Variants in BBS9 observed in about 807,000 individuals in gnomAD.
BBS9 encodes protein PTHB1.
A neutral mutation model predicts 117.7 loss-of-function variants in BBS9; 89 were observed. That is an observed-to-expected ratio of 0.76 (90% confidence interval 0.64 to 0.90). The LOEUF (loss-of-function observed/expected upper bound fraction) is 0.90, where lower values mean the gene tolerates loss of function less well. BBS9 is among the 40% of genes least tolerant of loss of function. BBS9 has a pLI of 0.00. For missense variants in BBS9, 982 were observed against 1,042.2 expected, an observed-to-expected ratio of 0.94 and a Z score of 0.80; for synonymous variants, 379 against 370.9, an observed-to-expected ratio of 1.02 and a Z score of -0.25.
chr7:33,171,158 C>G (rs1016780358), intron 4 of BBS9, among the ~76,000 whole-genome samples: 2 of 152,118 alleles, frequency 1.3e-5, no homozygotes, highest in African/African-American at 4.8e-5. Flanking sequence ...CAATCCCAAG[C>G]CAGAAGAACA....
intron 9 of BBS9, among the ~76,000 whole-genome samples, chr7:33,282,605 C>A (rs1802116613): frequency 6.6e-6 from 1 of 152,042 alleles, no homozygotes. Context: ...AACTCCTGAC[C>A]TCGTGAGTCA....
chr7:33,329,083 C>T (rs902798878), intron 9 of BBS9, among the ~76,000 whole-genome samples: 24 of 151,718 alleles, frequency 1.6e-4, no homozygotes, highest in African/African-American at 4.1e-4. Flanking sequence ...TGCAGTGGCG[C>T]GATCTCAGCT....
At chr7:33,412,502 A>C (rs1831329565) in intron 19 of BBS9, among the ~76,000 whole-genome samples, 1 of 152,218 alleles carries the variant, frequency 6.6e-6, no homozygotes, top group Admixed American at 6.5e-5. Flanking sequence ...TGAGATATGC[A>C]CTTTACAACT....
At position 33,605,423 on chromosome 7, in the gene BBS9, T is replaced by C. The variant is rs891031153; in HGVS notation, c.*197T>C. The C allele has an allele frequency of 1.9e-5, 12 of 634,652 alleles. No individual in the cohort carries two copies. In the African/African-American group the frequency reaches 2.0e-4, roughly 11 times the overall value. 39.3% of individuals were successfully genotyped at this position (634,652 alleles called of 1,614,324 possible). ...CTTGTAACACCATGGGGAAGTCAGC[T>C]GAAACTTGTCTTGTTTTGCCAGGAA... On this transcript the variant is annotated 3_prime_UTR_variant, in exon 23 of 23. Transcript: ENST00000242067.
rs181953588 is a variant in BBS9 at position 33,333,661 on chromosome 7, G to C, written c.1017-2780G>C. Reference sequence around the variant, plus strand: ...GACCGAGTCTTGCTGTGTTGCCCAGGCTGGAGTGCAGTGGTCTCGGCTCAC... The same window carrying C: ...GACCGAGTCTTGCTGTGTTGCCCAGCCTGGAGTGCAGTGGTCTCGGCTCAC... On this transcript the variant is annotated intron_variant, in intron 9 of 22. Transcript: ENST00000242067. Among the ~76,000 whole-genome samples the C allele has an allele frequency of 2.6e-5, 4 of 152,006 alleles. No homozygotes were observed. The East Asian group carries it at 7.7e-4, about 29-fold the overall frequency.
chr7:33,532,136 C>G (rs890636565), intron 20 of BBS9, among the ~76,000 whole-genome samples: 1 of 152,250 alleles, frequency 6.6e-6, no homozygotes, highest in African/African-American at 2.4e-5. Context: ...GAGGGCCCAC[C>G]CATCAACCCT....
chr7:33,505,734 A>C, intron 20 of BBS9, 89 bp downstream of exon 20: 1 of 1,383,868 alleles, frequency 7.2e-7, no homozygotes, highest in East Asian at 2.4e-5. Flanking sequence ...AGGTTTTCTA[A>C]GGTATCAAAT....
chr7:33,301,088 A>G (rs1353962855), intron 9 of BBS9, among the ~76,000 whole-genome samples: 1 of 151,876 alleles, frequency 6.6e-6, no homozygotes, highest in Non-Finnish European at 1.5e-5. Flanking sequence ...TCTGGCTACT[A>G]TATTTGCTTT....
chr7:33,554,693 T>A (rs906640044), intron 21 of BBS9, among the ~76,000 whole-genome samples: 1 of 152,158 alleles, frequency 6.6e-6, no homozygotes, highest in Admixed American at 6.5e-5. Context: ...TGCCAAGTGC[T>A]CCGGAGCTCA....
chr7:33,405,560 C>G (rs371585204), intron 19 of BBS9, among the ~76,000 whole-genome samples: 10 of 151,974 alleles, frequency 6.6e-5, no homozygotes, highest in Non-Finnish European at 1.3e-4. Context: ...ACTTCTTCCT[C>G]GTTTAGTGTT....
At chr7:33,268,356 TG>T (rs1799171707) in intron 7 of BBS9, among the ~76,000 whole-genome samples, 1 of 152,220 alleles carries the variant, frequency 6.6e-6, no homozygotes, top group African/African-American at 2.4e-5. Context: ...CCAACTGCTG[TG>T]GTTTCTCCAG....
At chr7:33,163,033 G>A (rs1795107828) in intron 4 of BBS9, among the ~76,000 whole-genome samples, 2 of 152,136 alleles carry the variant, frequency 1.3e-5, no homozygotes, top group Non-Finnish European at 2.9e-5. Flanking sequence ...AGAGTTGTTA[G>A]CATGAAGGGT....
intron 9 of BBS9, among the ~76,000 whole-genome samples, chr7:33,286,512 A>G (rs1391559698): frequency 6.6e-6 from 1 of 152,130 alleles, no homozygotes; most frequent in Non-Finnish European, 1.5e-5. Flanking sequence ...TACTTCAGAT[A>G]GTGGGTCCTC....
intron 19 of BBS9, among the ~76,000 whole-genome samples, chr7:33,497,015 A>G (rs530535088): frequency 6.6e-6 from 1 of 152,286 alleles, no homozygotes; most frequent in East Asian, 1.9e-4. Flanking sequence ...ATCACAAACA[A>G]CATTGTTGGG....
intron 19 of BBS9, among the ~76,000 whole-genome samples, chr7:33,457,476 T>A (rs571583776): frequency 3.9e-5 from 6 of 152,158 alleles, no homozygotes; most frequent in African/African-American, 1.4e-4. Flanking sequence ...GGTCATGTTA[T>A]TGTTTTAATA....
intron 21 of BBS9, among the ~76,000 whole-genome samples, chr7:33,540,323 T>C (rs911113376): frequency 2.6e-5 from 4 of 152,062 alleles, no homozygotes; most frequent in Non-Finnish European, 5.9e-5. Context: ...ATTTCATAAA[T>C]CACAGAAGGA....
chr7:33,536,767 C>G, intron 21 of BBS9, among the ~76,000 whole-genome samples: 1 of 69,030 alleles, frequency 1.4e-5, no homozygotes, highest in East Asian at 3.5e-4. Flanking sequence ...CACACAGTCT[C>G]TTTTCTTTTC....
intron 4 of BBS9, among the ~76,000 whole-genome samples, chr7:33,171,296 G>A (rs1476157454): frequency 4.6e-5 from 7 of 151,740 alleles, no homozygotes; most frequent in Non-Finnish European, 7.4e-5. Context: ...CAGAAATAAC[G>A]CCGCATATCT....
chr7:33,432,906 T>C (rs969490738), intron 19 of BBS9, among the ~76,000 whole-genome samples: 1 of 152,166 alleles, frequency 6.6e-6, no homozygotes, highest in Admixed American at 6.5e-5. Flanking sequence ...CTTCTCTCCC[T>C]CATTCTCTCC....
Sources: gnomAD v4.1 joint callset for allele counts (sites outside exome capture counted in the v4.1 genomes callset) on GRCh38, gnomAD v4.1.1 for gene constraint, MANE v1.5 for transcripts, NCBI Gene and HGNC (gene_info 2026-07-23, HGNC 2026-07-21) for gene names.